The following CUL4B variants were observed in gnomAD, a reference collection of about 807,000 sequenced individuals.
CUL4B encodes cullin-4B.
CUL4B carries 1 observed loss-of-function variant against 69.2 expected under a neutral mutation model. The ratio of observed to expected loss-of-function variants is 0.01; its 90% confidence interval spans 0.01 to 0.07. The LOEUF is 0.07. Ranked by LOEUF, CUL4B falls within the 10% of genes least tolerant of loss-of-function variation. The pLI, the probability that CUL4B is intolerant of heterozygous loss-of-function variation, is 1.00. For synonymous variants in CUL4B, 237 were observed against 223.2 expected, an observed-to-expected ratio of 1.06 and a Z score of -0.55; for missense variants, 328 against 638.8, an observed-to-expected ratio of 0.51 and a Z score of 5.24.
intron 16 of CUL4B, among the ~76,000 whole-genome samples, chrX:120,535,081 G>A (rs946436021): frequency 8.9e-6 from 1 of 111,735 alleles, no homozygotes; most frequent in Non-Finnish European, 1.9e-5. Flanking sequence ...TGTAATCCCA[G>A]CACTTTAGGA....
At chrX:120,568,816 A>C (rs1377474657), downstream of CUL4B, among the ~76,000 whole-genome samples, 1 of 111,951 alleles carries the variant, frequency 8.9e-6, no homozygotes, top group Non-Finnish European at 1.9e-5. Context: ...CACAAAGCAC[A>C]CAGACCTAAG....
downstream of CUL4B, among the ~76,000 whole-genome samples, chrX:120,568,178 A>T (rs188907663): frequency 9.0e-6 from 1 of 111,208 alleles, no homozygotes; most frequent in African/African-American, 3.3e-5. Flanking sequence ...GGTAAACAGA[A>T]CTAGAAGAAG....
chrX:120,557,122 G>T (rs1456018793), intron 2 of CUL4B, among the ~76,000 whole-genome samples: 1 of 110,543 alleles, frequency 9.0e-6, no homozygotes, highest in Admixed American at 9.7e-5. Context: ...TGTTGGTCAG[G>T]CTGGTCTCGA....
At chrX:120,550,489 G>A (rs1050135156) in intron 2 of CUL4B, among the ~76,000 whole-genome samples, 1 of 111,570 alleles carries the variant, frequency 9.0e-6, no homozygotes, top group Admixed American at 9.6e-5. Context: ...TTAGGGGAGG[G>A]CAAGTCAGAA....
At position 120,530,240 on chromosome X, in the gene CUL4B, T is replaced by C; in HGVS notation, c.2454A>G (p.Ala818=). The C allele has an allele frequency of 8.3e-7, 1 of 1,210,512 alleles. No individual in the cohort carries two copies. Among genetic ancestry groups the C allele is most frequent in the Non-Finnish European group, 1.1e-6 (1 of 894,754 alleles). Residue 818 remains alanine, a synonymous_variant, in exon 19 of 20, where the codon GCA becomes GCG. Transcript: ENST00000371322. ...IQMKETVEEQ[A]STTERVFQDR... is the part of the protein sequence containing the mutation. ...CTTGAAATACTCTTTCTGTAGTGCT[T>C]GCTTGTTCTTCAACCTAACAAAAAA...
upstream of CUL4B, among the ~76,000 whole-genome samples, chrX:120,562,409 A>G (rs745714536): frequency 3.6e-5 from 4 of 112,361 alleles, no homozygotes; most frequent in Non-Finnish European, 7.5e-5. Context: ...CACAATATCA[A>G]AAACTAAATT....
Position 120,545,453 on chromosome X carries a change from G to A in CUL4B, c.911C>T (p.Pro304Leu), listed in dbSNP as rs1401095244. ...TTTCTGGCATCCTTACCAAATGGAGGGTAGCATTGAATTCTGAAGAACGTA... is the reference window on the plus strand; with the variant it reads ...TTTCTGGCATCCTTACCAAATGGAGAGTAGCATTGAATTCTGAAGAACGTA... ...RTYVLQNSML[P>L]SIWDMGLELF... Residue 304 changes from proline to leucine, a missense_variant, in exon 5 of 20, where the codon CCC becomes CTC. Physicochemically the swap from Pro to Leu is moderately conservative, Grantham distance 98. Around this residue, in one of 4 missense-constraint regions of CUL4B, gnomAD observed 126 missense variants for 202.5 expected, o/e 0.62. Coordinates refer to ENST00000371322, the MANE Select transcript of CUL4B (RefSeq NM_001079872.2). 1.7e-6 allele frequency: 2 copies of A among 1,170,010 alleles called. No homozygotes were observed. The highest frequency in any genetic ancestry group is 4.6e-5 in the Admixed American group (2 of 43,180).
upstream of CUL4B, among the ~76,000 whole-genome samples, chrX:120,563,692 G>A (rs1360474196): frequency 1.8e-5 from 2 of 112,136 alleles, no homozygotes; most frequent in African/African-American, 6.5e-5. Context: ...ATAATGCTGT[G>A]TCTTTATAAG....
chrX:120,533,359 T>C (rs1377891262), intron 17 of CUL4B, among the ~76,000 whole-genome samples: 2 of 112,156 alleles, frequency 1.8e-5, no homozygotes, highest in African/African-American at 3.2e-5. Flanking sequence ...TGCCACATAG[T>C]TGAGACACTA....
intron 19 of CUL4B, among the ~76,000 whole-genome samples, chrX:120,527,671 A>G (rs994238462): frequency 8.9e-6 from 1 of 112,066 alleles, no homozygotes; most frequent in Non-Finnish European, 1.9e-5. Flanking sequence ...TAGCCTGAAG[A>G]TAATTTTATA....
intron 2 of CUL4B, among the ~76,000 whole-genome samples, chrX:120,547,893 C>T (rs1237861758): frequency 1.8e-5 from 2 of 110,687 alleles, no homozygotes; most frequent in East Asian, 2.8e-4. Context: ...CTGGATGCTT[C>T]CTGCCCTCGA....
At chrX:120,571,048 G>A (rs1456576052), downstream of CUL4B, 53 of 107,062 alleles carry the variant, frequency 5.0e-4, no homozygotes, top group African/African-American at 1.7e-3. Context: ...GTGGGGTGGG[G>A]GGAATAATTA....
chrX:120,541,524 A>G, intron 10 of CUL4B, 78 bp downstream of exon 10: 1 of 738,786 alleles, frequency 1.4e-6, no homozygotes, highest in Admixed American at 2.3e-5. Flanking sequence ...TGGATCAAAC[A>G]AGAAATGCTT....
rs1286169746 is a variant in CUL4B at position 120,543,042 on chromosome X, A to G, written c.1257-9T>C. The G allele has an allele frequency of 7.4e-6, 4 of 539,775 alleles. No individual in the cohort carries two copies. Among genetic ancestry groups the G allele is most frequent in the Non-Finnish European group, 1.0e-5 (4 of 393,520 alleles). The allele number at this position is 539,775 out of a possible 1,213,427, so 44.5% of individuals were successfully genotyped here. A position where few individuals can be genotyped will look rare whatever the true frequency, so the allele number is the denominator to read the frequency against. On this transcript the variant is annotated splice_polypyrimidine_tract_variant and intron_variant, in intron 8 of 19. Coordinates refer to ENST00000371322, the MANE Select transcript of CUL4B (RefSeq NM_001079872.2). ...TAGCAATTAATGACTTCCTACAAGG[A>G]AAAAAAAAAAGGTTAGTATTATTGA...
intron 15 of CUL4B, among the ~76,000 whole-genome samples, chrX:120,536,565 A>C (rs899925543): frequency 4.2e-4 from 47 of 112,565 alleles, no homozygotes; most frequent in African/African-American, 1.5e-3. Context: ...GGAAGATGGA[A>C]GAAGAGCCAG....
chrX:120,529,465 A>T (rs1923188667), intron 19 of CUL4B, among the ~76,000 whole-genome samples: 1 of 111,814 alleles, frequency 8.9e-6, no homozygotes, highest in African/African-American at 3.3e-5. Flanking sequence ...CTAGCAGTCT[A>T]TTCAAACTCT....
In CUL4B at chrX:120,560,641, A is replaced by C; in HGVS notation, c.-3T>G. The C allele has an allele frequency of 8.3e-7, 1 of 1,201,087 alleles. No individual in the cohort carries two copies. The highest frequency in any genetic ancestry group is 1.1e-6 in the Non-Finnish European group (1 of 894,730). On this transcript the variant is annotated 5_prime_UTR_variant, in exon 1 of 20. Transcript: ENST00000371322. ...GAAGAAAAACCTGTTGGAAACATGA[A>C]AATAGCGGGGTCAACAGGCAGAGGA...
downstream of CUL4B, among the ~76,000 whole-genome samples, chrX:120,567,871 AG>A (rs1183477553): frequency 1.2e-4 from 13 of 108,565 alleles, no homozygotes; most frequent in African/African-American, 4.0e-4. Flanking sequence ...AAGACTCTGA[AG>A]AAAAAAAAAA....
At chrX:120,549,784 G>A (rs1924578041) in intron 2 of CUL4B, among the ~76,000 whole-genome samples, 1 of 111,614 alleles carries the variant, frequency 9.0e-6, no homozygotes, top group Non-Finnish European at 1.9e-5. Context: ...GTTCACACAG[G>A]TCCTTTGTGG....
Sources: allele counts gnomAD v4.1 joint callset (sites outside exome capture counted in the v4.1 genomes callset), GRCh38; gene constraint gnomAD v4.1.1; regional missense constraint gnomAD v4.1.1; transcripts MANE v1.5; gene names NCBI Gene and HGNC (gene_info 2026-07-23, HGNC 2026-07-21).